The following VIRMA variants were observed in gnomAD, a reference collection of about 807,000 sequenced individuals.
VIRMA encodes protein virilizer homolog.
In VIRMA, 65 loss-of-function variants were observed where a neutral mutation model predicts 182.4. The ratio of observed to expected loss-of-function variants is 0.36; its 90% CI spans 0.29 to 0.44. The LOEUF (loss-of-function observed/expected upper bound fraction) is 0.44. VIRMA is among the 20% of genes least tolerant of loss of function. The pLI is 1.00. For missense variants in VIRMA, 1,752 were observed against 2,158.1 expected (o/e 0.81, Z 3.73); for synonymous variants, 709 against 743.1 (o/e 0.95, Z 0.75).
rs1815006930 is a variant in VIRMA, at chr8:94,527,320, A to G, written c.924T>C (p.Ile308=). Residue 308 remains isoleucine, a synonymous_variant, in exon 8 of 24, where the codon ATT becomes ATC. Coordinates refer to ENST00000297591, the MANE Select transcript of VIRMA (RefSeq NM_015496.5). ...TAAATGTTTCACGTTCCAAGTCAGC[A>G]ATTCCATCTTCATCACTGGAAATTT... ...YEQISSDEDG[I]ADLERETFKY... 1 of 1,592,178 alleles carries G rather than the reference A, an allele frequency of 6.3e-7. No individual in the cohort carries two copies. Among genetic ancestry groups the G allele is most frequent in the Admixed American group, 1.7e-5 (1 of 57,480 alleles).
chr8:94,511,435 A>C lies in VIRMA; in HGVS notation c.3140T>G (p.Ile1047Ser). The C allele has an allele frequency of 6.2e-7, 1 of 1,614,082 alleles. No homozygotes were observed. The highest frequency in any genetic ancestry group is 8.5e-7 in the Non-Finnish European group (1 of 1,179,996). Residue 1047 changes from isoleucine (I) to serine (S), a missense_variant, in exon 13 of 24, where the codon ATC (isoleucine) becomes AGC (serine). Coordinates refer to ENST00000297591, the MANE Select transcript of VIRMA (RefSeq NM_015496.5). ...ACTATCCAAACGACCTGAGAGGGGG[A>C]TAGAGCACAGGAGCATATGTAAAGT... The part of the protein sequence containing the change: ...LVTLHMLLCS[I>S]PLSGRLDSDE...
intron 11 of VIRMA, 27 bp downstream of exon 11, chr8:94,514,842 C>A: frequency 8.0e-7 from 1 of 1,253,654 alleles, no homozygotes; most frequent in South Asian, 1.4e-5. Context: ...TTCAAAAAGT[C>A]AAAGCACTTT....
Position 94,519,572 on chromosome 8 carries a change from C to T in VIRMA, c.2022-96G>A, listed in dbSNP as rs1814689072. 16 of 1,293,652 alleles carry T rather than the reference C, an allele frequency of 1.2e-5. No homozygotes were observed. In the South Asian group the frequency reaches 2.4e-4, roughly 19 times the overall value. 80.1% of individuals were successfully genotyped at this position (1,293,652 alleles called of 1,614,324 possible). On this transcript the variant is annotated intron_variant, in intron 8 of 23. Coordinates refer to ENST00000297591, the MANE Select transcript of VIRMA (RefSeq NM_015496.5). ...GACACTGATAAAAATTTTTAATGAC[C>T]ATAATCCTTATCCTCAGTAATATAC... is the stretch of plus-strand genomic sequence containing the variant.
chr8:94,509,330 G>T lies in VIRMA; in HGVS notation c.3879+358C>A, dbSNP rs1005376074. Among the ~76,000 whole-genome samples the T allele has an allele frequency of 2.0e-5, 3 of 151,778 alleles. No individual in the cohort carries two copies. In the East Asian group the frequency reaches 5.8e-4, roughly 29 times the overall value. On this transcript the variant is annotated intron_variant, in intron 15 of 23. Transcript: ENST00000297591. ...GCAGGAGAATCACTTGAACCCAGTGGGGCAGAGGCTGCAGTGAGCTGAGAT... is the reference window on the plus strand; with the variant it reads ...GCAGGAGAATCACTTGAACCCAGTGTGGCAGAGGCTGCAGTGAGCTGAGAT...
chr8:94,543,711 G>A, intron 2 of VIRMA, 116 bp downstream of exon 2: 1 of 634,194 alleles, frequency 1.6e-6, no homozygotes, highest in Non-Finnish European at 2.8e-6. Context: ...AACCATAATT[G>A]AATAGCTTCA....
chr8:94,546,921 C>T (rs1214671736), intron 1 of VIRMA: 3 of 455,520 alleles, frequency 6.6e-6, no homozygotes, highest in South Asian at 1.5e-5. Flanking sequence ...TTGCTCCAAA[C>T]TTATATCCCT....
intron 15 of VIRMA, among the ~76,000 whole-genome samples, chr8:94,507,895 A>ATATATATGTATATATATG (rs2130297676): frequency 6.7e-6 from 1 of 148,830 alleles, no homozygotes; most frequent in Non-Finnish European, 1.5e-5. Flanking sequence ...GTATATATGT[A>ATATATATGTATATATATG]TATATATGTA....
intron 15 of VIRMA, among the ~76,000 whole-genome samples, chr8:94,507,992 T>C (rs533301501): frequency 9.3e-5 from 13 of 139,474 alleles, no homozygotes; most frequent in African/African-American, 3.3e-4. Flanking sequence ...TATGTGTATA[T>C]ATATAAGTAT....
intron 16 of VIRMA, among the ~76,000 whole-genome samples, chr8:94,504,149 G>A (rs996704981): frequency 6.6e-6 from 1 of 151,650 alleles, no homozygotes; most frequent in Non-Finnish European, 1.5e-5. Context: ...ACTCCAACCC[G>A]GGCGATAGAG....
chr8:94,529,750 C>G (rs1010294053), intron 6 of VIRMA, among the ~76,000 whole-genome samples: 2 of 152,092 alleles, frequency 1.3e-5, no homozygotes, highest in African/African-American at 4.8e-5. Flanking sequence ...AGCAATTCTC[C>G]TCCCTCAGTC....
chr8:94,542,582 C>A (rs983122793), intron 2 of VIRMA, among the ~76,000 whole-genome samples: 2 of 152,148 alleles, frequency 1.3e-5, no homozygotes, highest in African/African-American at 2.4e-5. Context: ...AAAAGCAGTA[C>A]AATTAGAGAA....
Position 94,517,957 on chromosome 8 carries a change from G to C in VIRMA, c.2514-15C>G. 6.3e-7 allele frequency: 1 copy of C among 1,590,460 alleles called. No individual in the cohort carries two copies. Among genetic ancestry groups the C allele is most frequent in the Non-Finnish European group, 8.5e-7 (1 of 1,170,500 alleles). On this transcript the variant is annotated splice_polypyrimidine_tract_variant and intron_variant, in intron 9 of 23. Coordinates refer to ENST00000297591, the MANE Select transcript of VIRMA (RefSeq NM_015496.5). ...ATTTGGAATCACTGAAACAAAATAA[G>C]GTTTTTAAGTTTTGGATACAAAAAC...
intron 14 of VIRMA, 102 bp downstream of exon 14, chr8:94,510,315 G>A: frequency 1.3e-6 from 1 of 793,170 alleles, no homozygotes. Flanking sequence ...ATGTATATAT[G>A]TTATCTGGGC....
chr8:94,517,520 C>G (rs576190306), intron 10 of VIRMA, among the ~76,000 whole-genome samples: 1 of 152,308 alleles, frequency 6.6e-6, no homozygotes, highest in East Asian at 1.9e-4. Flanking sequence ...TGTCTTTAAA[C>G]TCTTCCATTT....
chr8:94,489,832 G>C, intron 23 of VIRMA, 107 bp downstream of exon 23: 1 of 1,209,536 alleles, frequency 8.3e-7, no homozygotes, highest in Non-Finnish European at 1.2e-6. Context: ...GGAGCAAGGA[G>C]ATGGGGAGAT....
chr8:94,514,491 T>A (rs1203943378), intron 11 of VIRMA, among the ~76,000 whole-genome samples: 1 of 152,212 alleles, frequency 6.6e-6, no homozygotes, highest in Non-Finnish European at 1.5e-5. Flanking sequence ...TTCACCTAAA[T>A]ATTTTGAGTG....
At chr8:94,530,568 G>A (rs932104024) in intron 6 of VIRMA, among the ~76,000 whole-genome samples, 3 of 151,990 alleles carry the variant, frequency 2.0e-5, no homozygotes, top group African/African-American at 4.8e-5. Flanking sequence ...TGCACAGCAT[G>A]GGGGGAGACT....
chr8:94,538,436 C>T, intron 2 of VIRMA, 90 bp from the exon 3 acceptor site: 4 of 754,032 alleles, frequency 5.3e-6, no homozygotes, highest in Non-Finnish European at 6.8e-6. Flanking sequence ...AAGTTAAGAG[C>T]AATTCTAGAA....
intron 7 of VIRMA, among the ~76,000 whole-genome samples, chr8:94,528,002 C>T (rs908633115): frequency 2.0e-5 from 3 of 151,910 alleles, no homozygotes; most frequent in Admixed American, 6.6e-5. Flanking sequence ...GGAGGCCAAG[C>T]CGGGCAGATC....
Sources: allele counts gnomAD v4.1 joint callset (sites outside exome capture counted in the v4.1 genomes callset), GRCh38; gene constraint gnomAD v4.1.1; transcripts MANE v1.5; gene names NCBI Gene and HGNC (gene_info 2026-07-23, HGNC 2026-07-21).